C16orf74: variants seen among roughly 807,000 people sequenced by gnomAD.
C16orf74 encodes the protein uncharacterized protein C16orf74.
C16orf74 carries 10 observed loss-of-function variants against 6.5 expected under a neutral mutation model. The ratio of observed to expected loss-of-function variants is 1.54; its 90% CI spans 0.95 to 2.61. The LOEUF (loss-of-function observed/expected upper bound fraction) is 2.61, where lower values mean the gene tolerates loss of function less well. Ranked by LOEUF, C16orf74 falls within the 30% of genes most tolerant of loss-of-function variation. The probability of loss-of-function intolerance (pLI) is 0.00; values close to 1 mark genes in which losing one functional copy is unlikely to be tolerated. For synonymous variants in C16orf74, 60 were observed against 42.5 expected (o/e 1.41, Z -1.60); for missense variants, 141 against 105.9 (o/e 1.33, Z -1.45).
In C16orf74 at chr16:85,710,272, GGCT is replaced by G. The variant is rs751825593; in HGVS notation, c.61_63del (p.Ser21del). 970 of 1,488,054 alleles carry G rather than the reference GGCT, an allele frequency of 6.5e-4. No individual in the cohort carries two copies. The highest frequency in any genetic ancestry group is 3.7e-3 in the Admixed American group (152 of 40,932). The allele number at this position is 1,488,054 out of a possible 1,614,324, so 92.2% of individuals were successfully genotyped here. On this transcript the variant is annotated inframe_deletion, in exon 3 of 4. Coordinates refer to ENST00000284245, the MANE Select transcript of C16orf74 (RefSeq NM_206967.3). Reference sequence around the variant, plus strand: ...TCGTTCAGGACGGGGGCCTCGTCGTGGCTGCTGCTGCTGCTGCTGACACACATT... The same window carrying G: ...TCGTTCAGGACGGGGGCCTCGTCGTGGCTGCTGCTGCTGCTGACACACATT...
chr16:85,710,618 T>G (rs2053960247), intron 2 of C16orf74: 14 of 305,114 alleles, frequency 4.6e-5, no homozygotes, highest in East Asian at 1.6e-4. Flanking sequence ...TGCAGCCTCA[T>G]TCCCGGCCAC....
chr16:85,724,076 C>T (rs947887921), intron 2 of C16orf74, among the ~76,000 whole-genome samples: 13 of 151,934 alleles, frequency 8.6e-5, no homozygotes, highest in Admixed American at 1.3e-4. Flanking sequence ...CACCGGGCTA[C>T]GTTTATTTTG....
At chr16:85,744,332 T>C (rs1365761095) in intron 1 of C16orf74, 1 of 150,768 alleles carries the variant, frequency 6.6e-6, no homozygotes, top group East Asian at 1.9e-4. Flanking sequence ...CTTGGCATGA[T>C]GGTATGGGAG....
intron 2 of C16orf74, among the ~76,000 whole-genome samples, chr16:85,731,866 T>C (rs1389625087): frequency 1.3e-5 from 2 of 152,188 alleles, no homozygotes; most frequent in South Asian, 2.1e-4. Flanking sequence ...AATTTTTGTA[T>C]TTTTTGTAGG....
In C16orf74 at chr16:85,744,914, G is replaced by A. The variant is rs890995083; in HGVS notation, c.-19+6012C>T. Among the ~76,000 whole-genome samples, 7 of 151,498 alleles carry A rather than the reference G, an allele frequency of 4.6e-5. No individual in the cohort carries two copies. The East Asian group carries it at 5.8e-4, about 13-fold the overall frequency. On this transcript the variant is annotated intron_variant, in intron 1 of 3. Coordinates refer to ENST00000284245, the MANE Select transcript of C16orf74 (RefSeq NM_206967.3). ...ACCATCACTTTGGGAGGCCGAGGTG[G>A]GCGGATCACCTGAGGTTGGGAGTTC... is the stretch of plus-strand genomic sequence containing the variant.
chr16:85,718,902 G>C (rs991556195), intron 2 of C16orf74, among the ~76,000 whole-genome samples: 7 of 152,250 alleles, frequency 4.6e-5, no homozygotes, highest in Admixed American at 4.6e-4. Context: ...CCGAGTGTGG[G>C]TCGGGGGACT....
At chr16:85,749,996 T>C (rs749688020) in intron 1 of C16orf74, among the ~76,000 whole-genome samples, 1 of 152,160 alleles carries the variant, frequency 6.6e-6, no homozygotes, top group South Asian at 2.1e-4. Flanking sequence ...AGGGTGCTTT[T>C]TGGAGTTAAC....
chr16:85,742,628 G>A (rs572782620), intron 1 of C16orf74, among the ~76,000 whole-genome samples: 30 of 152,002 alleles, frequency 2.0e-4, no homozygotes, highest in African/African-American at 4.8e-5. Context: ...TGCAACCTCC[G>A]CCTCCTGGGT....
chr16:85,714,864 G>T (rs145031206), intron 2 of C16orf74, among the ~76,000 whole-genome samples: 1 of 151,484 alleles, frequency 6.6e-6, no homozygotes, highest in Admixed American at 6.6e-5. Context: ...CTTTAAAGAA[G>T]AGAACATTTC....
chr16:85,710,131 G>A (rs1476712297), intron 3 of C16orf74, 33 bp downstream of exon 3: 6 of 1,380,772 alleles, frequency 4.3e-6, no homozygotes, highest in Non-Finnish European at 5.6e-6. Flanking sequence ...CCCCACAGCC[G>A]ACCCGGCTTG....
intron 2 of C16orf74, 61 bp from the exon 3 acceptor site, chr16:85,710,368 G>A (rs1320080510): frequency 7.0e-7 from 1 of 1,419,376 alleles, no homozygotes. Context: ...AGGCATCAGT[G>A]GCCGCCGGGA....
intron 1 of C16orf74, chr16:85,743,246 A>C (rs1236935193): frequency 6.6e-6 from 1 of 152,192 alleles, no homozygotes; most frequent in Non-Finnish European, 1.5e-5. Context: ...TAGAAGCCAT[A>C]CAGTTGTCTA....
At chr16:85,736,825 G>C (rs986236133) in intron 1 of C16orf74, among the ~76,000 whole-genome samples, 3 of 152,110 alleles carry the variant, frequency 2.0e-5, no homozygotes, top group African/African-American at 4.8e-5. Flanking sequence ...AGGCCGAGGT[G>C]CGTGGATCAG....
rs372416184 is a variant in C16orf74 at position 85,723,553 on chromosome 16, G to T, written c.28+11637C>A. Among the ~76,000 whole-genome samples the T allele has an allele frequency of 5.3e-4, 81 of 152,338 alleles. No individual in the cohort carries two copies. The South Asian group carries it at 0.011, about 20-fold the overall frequency. On this transcript the variant is annotated intron_variant, in intron 2 of 3. Coordinates refer to ENST00000284245, the MANE Select transcript of C16orf74 (RefSeq NM_206967.3). ...GTCATCTCCCATGGGGTGAGTGGAAGGGGCTGCTGGTGTGACTTCAGGGGG... is the reference window on the plus strand; with the variant it reads ...GTCATCTCCCATGGGGTGAGTGGAATGGGCTGCTGGTGTGACTTCAGGGGG...
intron 1 of C16orf74, among the ~76,000 whole-genome samples, chr16:85,747,029 C>A (rs1284790143): frequency 6.6e-6 from 1 of 152,094 alleles, no homozygotes; most frequent in East Asian, 1.9e-4. Flanking sequence ...AAGCCTTCAC[C>A]AGCAGGAAGC....
At chr16:85,728,256 C>T (rs1159858418) in intron 2 of C16orf74, among the ~76,000 whole-genome samples, 4 of 152,196 alleles carry the variant, frequency 2.6e-5, no homozygotes, top group African/African-American at 9.7e-5. Flanking sequence ...GTAAGTTGTT[C>T]ATAACAGCGG....
chr16:85,729,747 T>C (rs1354846125), intron 2 of C16orf74, among the ~76,000 whole-genome samples: 2 of 151,920 alleles, frequency 1.3e-5, no homozygotes, highest in Non-Finnish European at 1.5e-5. Context: ...CAGGGCAACA[T>C]GAAGAGAGGA....
chr16:85,734,503 C>G (rs1408717069), intron 2 of C16orf74, among the ~76,000 whole-genome samples: 1 of 152,110 alleles, frequency 6.6e-6, no homozygotes, highest in East Asian at 1.9e-4. Context: ...CACCACTGGC[C>G]ATGGGACACC....
intron 2 of C16orf74, chr16:85,710,556 C>A (rs2053959565): frequency 2.2e-6 from 1 of 463,130 alleles, no homozygotes; most frequent in East Asian, 4.1e-5. Flanking sequence ...TGATCATAGG[C>A]TAGTTGGCCT....
Sources: gnomAD v4.1 joint callset for allele counts (sites outside exome capture counted in the v4.1 genomes callset) on GRCh38, gnomAD v4.1.1 for gene constraint, MANE v1.5 for transcripts, NCBI Gene and HGNC (gene_info 2026-07-23, HGNC 2026-07-21) for gene names.